SCN3B: variants seen among roughly 807,000 people sequenced by gnomAD.
SCN3B encodes the protein sodium voltage-gated channel beta subunit 3, also known as sodium channel regulatory subunit beta-3.
SCN3B carries 11 observed loss-of-function variants against 25.4 expected under a neutral mutation model. That is an observed-to-expected ratio of 0.43 (90% CI 0.27 to 0.72). The LOEUF is 0.72. Ranked by LOEUF, SCN3B falls within the 30% of genes least tolerant of loss-of-function variation. The pLI is 0.18. For missense variants in SCN3B, 218 were observed against 278.3 expected (o/e 0.78, Z 1.54); for synonymous variants, 109 against 110.7 (o/e 0.99, Z 0.09).
chr11:123,641,656 C>T (rs1278752252), intron 4 of SCN3B, among the ~76,000 whole-genome samples: 2 of 152,148 alleles, frequency 1.3e-5, no homozygotes, highest in African/African-American at 4.8e-5. Flanking sequence ...CTGAGTTAGG[C>T]TGCTGAAAGG....
At chr11:123,638,448 G>A in intron 4 of SCN3B, 124 bp from the exon 5 acceptor site, 1 of 1,339,224 alleles carries the variant, frequency 7.5e-7, no homozygotes, top group East Asian at 2.4e-5. Flanking sequence ...AGATGTCAAA[G>A]GTATTCCAAA....
chr11:123,637,728 C>T (rs1179838542), intron 5 of SCN3B, among the ~76,000 whole-genome samples: 1 of 152,044 alleles, frequency 6.6e-6, no homozygotes, highest in East Asian at 1.9e-4. Flanking sequence ...CGGGATTTCA[C>T]CATGTTGGTC....
rs1321005777 is a variant in SCN3B at position 123,631,138 on chromosome 11, TG to T, written c.*2660del. 1 of 151,418 alleles carries T rather than the reference TG, an allele frequency of 6.6e-6. No individual in the cohort carries two copies. The highest frequency in any genetic ancestry group is 2.4e-5 in the African/African-American group (1 of 41,156). 9.4% of individuals were successfully genotyped at this position (151,418 alleles called of 1,614,324 possible). On this transcript the variant is annotated 3_prime_UTR_variant, in exon 7 of 7. Transcript: ENST00000299333. ...ATGGAGAAGTTAGAAAAAGGAAGAG[TG>T]GGGAAGATAACCTGTCAAGGATAAA...
chr11:123,651,487 C>T (rs1410099808), intron 2 of SCN3B, among the ~76,000 whole-genome samples: 2 of 152,102 alleles, frequency 1.3e-5, no homozygotes, highest in African/African-American at 4.8e-5. Context: ...CCTCAGTCCC[C>T]CTAGTAGCTG....
chr11:123,638,433 CAAG>C, intron 4 of SCN3B, 109 bp from the exon 5 acceptor site: 1 of 1,440,568 alleles, frequency 6.9e-7, no homozygotes, highest in Non-Finnish European at 9.6e-7. Flanking sequence ...TAAAGAAACT[CAAG>C]AAGATGTCAA....
intron 5 of SCN3B, among the ~76,000 whole-genome samples, chr11:123,636,540 C>G (rs948284158): frequency 6.6e-6 from 1 of 152,118 alleles, no homozygotes. Context: ...CTCTTAGTAG[C>G]TGCCATTTAT....
At chr11:123,649,889 A>T (rs1463766086) in intron 2 of SCN3B, among the ~76,000 whole-genome samples, 1 of 152,030 alleles carries the variant, frequency 6.6e-6, no homozygotes, top group Non-Finnish European at 1.5e-5. Flanking sequence ...TTTTTAGTAA[A>T]GACAGGGTTT....
Position 123,645,632 on chromosome 11 carries a change from C to T in SCN3B, c.174G>A (p.Thr58=), listed in dbSNP as rs201049075. The change falls in exon 3 of 7, where the codon ACG becomes ACA. Residue 58 remains threonine (T), a synonymous_variant. Coordinates refer to ENST00000299333, the MANE Select transcript of SCN3B (RefSeq NM_001040151.2). The part of the protein sequence containing the change: ...CMKREEVEAT[T]VVEWFYRPEG... Reference sequence around the variant, plus strand: ...CGGGCCTGTAGAACCATTCCACCACCGTGGTGGCCTCCACCTCCTCTCTCT... The same window carrying T: ...CGGGCCTGTAGAACCATTCCACCACTGTGGTGGCCTCCACCTCCTCTCTCT... 32 of 1,614,128 alleles carry T rather than the reference C, an allele frequency of 2.0e-5. No homozygotes were observed. In the Admixed American group the frequency reaches 2.5e-4, roughly 13 times the overall value.
chr11:123,646,123 C>T (rs1955851714), intron 2 of SCN3B, among the ~76,000 whole-genome samples: 1 of 152,184 alleles, frequency 6.6e-6, no homozygotes, highest in Non-Finnish European at 1.5e-5. Context: ...CACCACCACT[C>T]ATTAAAATCC....
intron 2 of SCN3B, among the ~76,000 whole-genome samples, chr11:123,646,144 A>G (rs552226296): frequency 9.2e-5 from 14 of 152,218 alleles, no homozygotes; most frequent in Non-Finnish European, 1.9e-4. Context: ...ACTCTCTGCC[A>G]GGTCTGATGC....
In SCN3B at chr11:123,632,608, T is replaced by G. The variant is rs72553905; in HGVS notation, c.*1191A>C. ...TTCAAGACTAGCCTGGCCAACATAG[T>G]CAAACCCTGTCTGTACTAAAAATAC... On this transcript the variant is annotated 3_prime_UTR_variant, in exon 7 of 7. Transcript: ENST00000299333. 6.6e-6 allele frequency: 1 copy of G among 152,070 alleles called. No homozygotes were observed. The highest frequency in any genetic ancestry group is 1.5e-5 in the Non-Finnish European group (1 of 68,038). The allele number at this position is 152,070 out of a possible 1,614,324, so 9.4% of individuals were successfully genotyped here. A position where few individuals can be genotyped will look rare whatever the true frequency, so the allele number is the denominator to read the frequency against.
chr11:123,638,202 C>T lies in SCN3B; in HGVS notation c.568G>A (p.Ala190Thr), dbSNP rs1955750790. 1 of 1,614,066 alleles carries T rather than the reference C, an allele frequency of 6.2e-7. No individual in the cohort carries two copies. The highest frequency in any genetic ancestry group is 8.5e-7 in the Non-Finnish European group (1 of 1,180,032). ...TGGACTTACGCGTTTTCTTGGGCTGCCTCTTCGGCTTTTGAGACCTTTCTG... is the reference window on the plus strand; with the variant it reads ...TGGACTTACGCGTTTTCTTGGGCTGTCTCTTCGGCTTTTGAGACCTTTCTG... The part of the protein sequence containing the change: ...CYRKVSKAEE[A>T]AQENASDYLA... Residue 190 changes from alanine to threonine, a missense_variant, in exon 5 of 7, where the codon GCA (alanine) becomes ACA (threonine). Coordinates refer to ENST00000299333, the MANE Select transcript of SCN3B (RefSeq NM_001040151.2).
intron 5 of SCN3B, among the ~76,000 whole-genome samples, chr11:123,635,693 A>T (rs1225762629): frequency 1.3e-5 from 2 of 152,052 alleles, no homozygotes; most frequent in African/African-American, 2.4e-5. Flanking sequence ...CTCAAAAAAA[A>T]AAAAAGAAAA....
Position 123,633,400 on chromosome 11 carries a change from G to A in SCN3B, c.*399C>T, listed in dbSNP as rs1955693493. ...CTATTAAGACTTCCATTCTCTTGCAGTAATGGAGAATGAACCAGTTCCAGC... is the reference window on the plus strand; with the variant it reads ...CTATTAAGACTTCCATTCTCTTGCAATAATGGAGAATGAACCAGTTCCAGC... On this transcript the variant is annotated 3_prime_UTR_variant, in exon 7 of 7. Transcript: ENST00000299333. The A allele has an allele frequency of 6.5e-6, 1 of 153,010 alleles. No individual in the cohort carries two copies. The highest frequency in any genetic ancestry group is 1.5e-5 in the Non-Finnish European group (1 of 68,656). 9.5% of individuals were successfully genotyped at this position (153,010 alleles called of 1,614,324 possible).
Position 123,631,858 on chromosome 11 carries a change from T to G in SCN3B, c.*1941A>C, listed in dbSNP as rs937918403. On this transcript the variant is annotated 3_prime_UTR_variant, in exon 7 of 7. Coordinates refer to ENST00000299333, the MANE Select transcript of SCN3B (RefSeq NM_001040151.2). The stretch of plus-strand genomic sequence containing the variant: ...AAATAATAATAAATAAATAAAAATT[T>G]AAAAGTCTGGTTTTAAGTACTTTCC... 2.0e-5 allele frequency: 3 copies of G among 152,050 alleles called. No homozygotes were observed. The highest frequency in any genetic ancestry group is 7.2e-5 in the African/African-American group (3 of 41,410). 9.4% of individuals were successfully genotyped at this position (152,050 alleles called of 1,614,324 possible). A position where few individuals can be genotyped will look rare whatever the true frequency, so the allele number is the denominator to read the frequency against.
rs1044052690 is a variant in SCN3B, at chr11:123,642,236, G to A, written c.445+210C>T. On this transcript the variant is annotated intron_variant, in intron 4 of 6. Coordinates refer to ENST00000299333, the MANE Select transcript of SCN3B (RefSeq NM_001040151.2). This position sits in a 1 kb window ranked among gnomAD's most constrained non-coding sequence, Gnocchi z 4.3. ...CATCTCCAAGCCTTTCTGCTTTGAG[G>A]AAAGGCACAGAAAGACAAGCTGCTT... Among the ~76,000 whole-genome samples the A allele has an allele frequency of 6.6e-6, 1 of 152,200 alleles. No individual in the cohort carries two copies. The highest frequency in any genetic ancestry group is 1.5e-5 in the Non-Finnish European group (1 of 68,034).
At chr11:123,633,993 G>A in intron 6 of SCN3B, 128 bp downstream of exon 6, 1 of 719,942 alleles carries the variant, frequency 1.4e-6, no homozygotes, top group Non-Finnish European at 2.5e-6. Context: ...CTGAGGGCGG[G>A]GACCCCAGGC....
rs1277513414 is a variant in SCN3B, at chr11:123,632,327, G to A, written c.*1472C>T. The stretch of plus-strand genomic sequence containing the variant: ...CTCTCCTTTTGGAGGATATTTCAGA[G>A]TCACAGATCTTTACATAAAGGAAGT... On this transcript the variant is annotated 3_prime_UTR_variant, in exon 7 of 7. Transcript: ENST00000299333. The A allele has an allele frequency of 2.0e-5, 3 of 152,154 alleles. No individual in the cohort carries two copies. The highest frequency in any genetic ancestry group is 4.4e-5 in the Non-Finnish European group (3 of 68,038). The allele number at this position is 152,154 out of a possible 1,614,324, so 9.4% of individuals were successfully genotyped here.
At chr11:123,638,128 A>G in intron 5 of SCN3B, 58 bp downstream of exon 5, 1 of 1,602,908 alleles carries the variant, frequency 6.2e-7, no homozygotes, top group Non-Finnish European at 8.5e-7. Flanking sequence ...CTCACCTGTG[A>G]GAGCAAGCAT....
Sources: allele counts gnomAD v4.1 joint callset (sites outside exome capture counted in the v4.1 genomes callset), GRCh38; gene constraint gnomAD v4.1.1; non-coding constraint Gnocchi (gnomAD v3.1); transcripts MANE v1.5; gene names NCBI Gene and HGNC (gene_info 2026-07-23, HGNC 2026-07-21).